Variants in SCN8A observed in about 807,000 individuals in gnomAD.
The protein encoded by SCN8A is sodium channel protein type 8 subunit alpha.
In SCN8A, 30 loss-of-function variants were observed where a neutral mutation model predicts 184.1. That is an observed-to-expected ratio of 0.16 (90% confidence interval 0.12 to 0.22). SCN8A has a LOEUF of 0.22. SCN8A is among the 10% of genes least tolerant of loss of function. The probability of loss-of-function intolerance (pLI) is 1.00; values close to 1 mark genes in which losing one functional copy is unlikely to be tolerated. For missense variants in SCN8A, 1,057 were observed against 2,498.9 expected (o/e 0.42, Z 12.30); for synonymous variants, 852 against 907.0 (o/e 0.94, Z 1.09).
At chr12:51,791,562 T>C (rs1384262101) in intron 25 of SCN8A, among the ~76,000 whole-genome samples, 1 of 152,212 alleles carries the variant, frequency 6.6e-6, no homozygotes, top group African/African-American at 2.4e-5. Context: ...AGCCTTCATT[T>C]TGTGATAGAA....
intron 14 of SCN8A, among the ~76,000 whole-genome samples, chr12:51,757,883 A>G (rs1942701039): frequency 6.6e-6 from 1 of 152,252 alleles, no homozygotes; most frequent in Non-Finnish European, 1.5e-5. Context: ...TTTATAGAAT[A>G]TTCTGAGGAG....
chr12:51,738,956 T>C (rs1942373209), intron 12 of SCN8A, among the ~76,000 whole-genome samples: 1 of 152,170 alleles, frequency 6.6e-6, no homozygotes, highest in Non-Finnish European at 1.5e-5. Context: ...GAGCTGGAAA[T>C]GCCCTGGTTT....
intron 1 of SCN8A, among the ~76,000 whole-genome samples, chr12:51,662,543 A>T (rs899924267): frequency 9.9e-5 from 15 of 152,216 alleles, no homozygotes; most frequent in African/African-American, 3.4e-4. Context: ...GAGTGAATAT[A>T]ATAAATAACT....
chr12:51,788,848 TGGA>T, intron 23 of SCN8A, 100 bp downstream of exon 23: 1 of 898,436 alleles, frequency 1.1e-6, no homozygotes, highest in Admixed American at 2.7e-5. Flanking sequence ...GATGAAGGAA[TGGA>T]GGAGTTGACG....
At chr12:51,644,849 C>A (rs1940532721) in intron 1 of SCN8A, among the ~76,000 whole-genome samples, 1 of 151,786 alleles carries the variant, frequency 6.6e-6, no homozygotes, top group African/African-American at 2.4e-5. Flanking sequence ...TGCCCGGCCA[C>A]CCCGTCTGAG....
At chr12:51,799,663 C>T (rs1337059165) in intron 26 of SCN8A, among the ~76,000 whole-genome samples, 2 of 152,228 alleles carry the variant, frequency 1.3e-5, no homozygotes, top group South Asian at 2.1e-4. Context: ...GCAGAGCCTT[C>T]TCCTGTTCTA....
intron 11 of SCN8A, among the ~76,000 whole-genome samples, chr12:51,710,378 C>T (rs774968997): frequency 2.0e-4 from 31 of 152,132 alleles, no homozygotes; most frequent in Non-Finnish European, 3.8e-4. Context: ...TCTAAAATGT[C>T]CTGTTGGCCA....
At chr12:51,760,767 A>AT (rs369354358) in intron 14 of SCN8A, among the ~76,000 whole-genome samples, 59 of 151,642 alleles carry the variant, frequency 3.9e-4, no homozygotes, top group African/African-American at 1.3e-3. Flanking sequence ...TCTTTGTGGA[A>AT]TTTTTTTTTC....
intron 16 of SCN8A, 113 bp from the exon 17 acceptor site, chr12:51,768,752 A>G (rs575606446): frequency 3.8e-6 from 3 of 796,206 alleles, no homozygotes; most frequent in African/African-American, 3.5e-5. Flanking sequence ...ACACAACACA[A>G]CAGAGCCTCT....
chr12:51,743,601 G>A (rs1308041743), intron 12 of SCN8A, among the ~76,000 whole-genome samples: 1 of 152,196 alleles, frequency 6.6e-6, no homozygotes, highest in Non-Finnish European at 1.5e-5. Context: ...GGCCATTACT[G>A]CTGAGACTGC....
rs1938830490 is a variant in SCN8A, at chr12:51,809,691, TATAA to T, written c.*2266_*2269del. ...GTGTGGTTATTCTTTTTAAGAGAAT[TATAA>T]ATACTGTAATATATAATTTTATTTT... On this transcript the variant is annotated 3_prime_UTR_variant, in exon 27 of 27. Coordinates refer to ENST00000627620, the MANE Select transcript of SCN8A (RefSeq NM_001330260.2). 6.6e-6 allele frequency: 1 copy of T among 152,272 alleles called. No individual in the cohort carries two copies. Among genetic ancestry groups the T allele is most frequent in the Non-Finnish European group, 1.5e-5 (1 of 68,044 alleles). The allele number at this position is 152,272 out of a possible 1,614,324, so 9.4% of individuals were successfully genotyped here. A position where few individuals can be genotyped will look rare whatever the true frequency, so the allele number is the denominator to read the frequency against.
At chr12:51,797,534 T>C (rs1256686472) in intron 26 of SCN8A, among the ~76,000 whole-genome samples, 1 of 152,202 alleles carries the variant, frequency 6.6e-6, no homozygotes, top group Admixed American at 6.5e-5. Context: ...CCACGGCTGG[T>C]TGTGGTTATT....
intron 1 of SCN8A, among the ~76,000 whole-genome samples, chr12:51,599,143 C>T (rs924020675): frequency 6.6e-6 from 1 of 152,130 alleles, no homozygotes; most frequent in Non-Finnish European, 1.5e-5. Flanking sequence ...GCCTGCTTGA[C>T]CACATCAGTC....
At chr12:51,626,627 A>G (rs1292480094) in intron 1 of SCN8A, among the ~76,000 whole-genome samples, 3 of 152,172 alleles carry the variant, frequency 2.0e-5, no homozygotes, top group Admixed American at 6.5e-5. Context: ...ACAGGGCTTT[A>G]ATCAAACAGA....
At chr12:51,759,037 C>T (rs551963222) in intron 14 of SCN8A, among the ~76,000 whole-genome samples, 51 of 151,674 alleles carry the variant, frequency 3.4e-4, no homozygotes, top group African/African-American at 1.1e-3. Flanking sequence ...TGTACAGCCA[C>T]GTACCACATA....
At chr12:51,753,178 A>G (rs1942621896) in intron 14 of SCN8A, among the ~76,000 whole-genome samples, 3 of 152,210 alleles carry the variant, frequency 2.0e-5, no homozygotes, top group Admixed American at 2.0e-4. Context: ...TCAACAGCTA[A>G]TATTCAGGAA....
intron 19 of SCN8A, 127 bp downstream of exon 19, chr12:51,770,810 A>G: frequency 3.0e-6 from 3 of 987,442 alleles, no homozygotes; most frequent in Middle Eastern, 2.4e-4. Context: ...AAGAAGAATG[A>G]TCTGTTAAAG....
intron 1 of SCN8A, among the ~76,000 whole-genome samples, chr12:51,606,298 C>T (rs950046284): frequency 6.6e-6 from 1 of 152,216 alleles, no homozygotes; most frequent in South Asian, 2.1e-4. Flanking sequence ...ATTTCATTCT[C>T]CTACATGTGG....
intron 12 of SCN8A, among the ~76,000 whole-genome samples, chr12:51,734,940 G>A (rs757036072): frequency 1.3e-5 from 2 of 152,192 alleles, no homozygotes; most frequent in Non-Finnish European, 2.9e-5. Flanking sequence ...TCCAGTTCCT[G>A]GCATTAAGGT....
Sources: gnomAD v4.1 joint callset for allele counts (sites outside exome capture counted in the v4.1 genomes callset) on GRCh38, gnomAD v4.1.1 for gene constraint, MANE v1.5 for transcripts, NCBI Gene and HGNC (gene_info 2026-07-23, HGNC 2026-07-21) for gene names.